The following SDC2 variants were observed in gnomAD, a reference collection of about 807,000 sequenced individuals.
SDC2 encodes the protein syndecan 2.
SDC2 carries 13 observed loss-of-function variants against 22.2 expected under a neutral mutation model. The ratio of observed to expected loss-of-function variants is 0.59; its 90% CI spans 0.38 to 0.93. The LOEUF is 0.93. Among genes scored for constraint, SDC2 ranks in the 40% least tolerant of loss-of-function variants. SDC2 has a pLI of 0.00. For synonymous variants in SDC2, 94 were observed against 92.8 expected, an observed-to-expected ratio of 1.01 and a Z score of -0.07; for missense variants, 235 against 246.8, an observed-to-expected ratio of 0.95 and a Z score of 0.32.
chr8:96,587,684 C>T (rs938859529), intron 1 of SDC2, among the ~76,000 whole-genome samples: 11 of 152,052 alleles, frequency 7.2e-5, no homozygotes, highest in Admixed American at 2.0e-4. Flanking sequence ...CAATTTTTTC[C>T]CCATCTATGA....
At chr8:96,507,598 T>C (rs1323157506) in intron 1 of SDC2, among the ~76,000 whole-genome samples, 1 of 152,108 alleles carries the variant, frequency 6.6e-6, no homozygotes, top group Non-Finnish European at 1.5e-5. Context: ...ATTGTGGAGA[T>C]TTATAGATAG....
chr8:96,534,729 G>T (rs1030136886), intron 1 of SDC2, among the ~76,000 whole-genome samples: 1 of 151,924 alleles, frequency 6.6e-6, no homozygotes, highest in Admixed American at 6.6e-5. Context: ...GAGCCACTGT[G>T]CCTGGCTGGC....
intron 1 of SDC2, among the ~76,000 whole-genome samples, chr8:96,509,355 A>T (rs1813295877): frequency 7.0e-6 from 1 of 142,362 alleles, no homozygotes; most frequent in South Asian, 2.2e-4. Context: ...CAAAGAAGAC[A>T]GTGTCAATAG....
intron 1 of SDC2, among the ~76,000 whole-genome samples, chr8:96,556,087 A>T (rs1167538426): frequency 1.3e-5 from 2 of 151,762 alleles, no homozygotes; most frequent in African/African-American, 2.4e-5. Flanking sequence ...TTCAAATGTG[A>T]TTATCTACTG....
intron 1 of SDC2, chr8:96,580,436 G>A (rs1285842282): frequency 2.0e-6 from 2 of 985,268 alleles, no homozygotes; most frequent in Non-Finnish European, 2.4e-6. Context: ...CATATCCTCA[G>A]CTGTTGCTTG....
At chr8:96,517,374 T>G (rs552631564) in intron 1 of SDC2, among the ~76,000 whole-genome samples, 1 of 152,242 alleles carries the variant, frequency 6.6e-6, no homozygotes, top group Non-Finnish European at 1.5e-5. Context: ...TTGTTGCTTA[T>G]GTTTTTGGTA....
chr8:96,521,601 A>T (rs1258153068), intron 1 of SDC2, among the ~76,000 whole-genome samples: 2 of 152,210 alleles, frequency 1.3e-5, no homozygotes, highest in Admixed American at 1.3e-4. Flanking sequence ...CAGGTAACAA[A>T]AGACTCTGTC....
chr8:96,565,618 A>G (rs575211951), intron 1 of SDC2, among the ~76,000 whole-genome samples: 3 of 152,290 alleles, frequency 2.0e-5, no homozygotes, highest in Admixed American at 1.3e-4. Context: ...AGTTGCTTCA[A>G]TAACTATAGT....
At chr8:96,592,033 A>G (rs1187170225) in intron 1 of SDC2, among the ~76,000 whole-genome samples, 4 of 152,186 alleles carry the variant, frequency 2.6e-5, no homozygotes, top group Non-Finnish European at 5.9e-5. Flanking sequence ...TTGCAGAGTT[A>G]AGCTCTGACC....
At chr8:96,502,027 A>G (rs1362657266) in intron 1 of SDC2, among the ~76,000 whole-genome samples, 1 of 152,202 alleles carries the variant, frequency 6.6e-6, no homozygotes, top group East Asian at 1.9e-4. Context: ...TTCGTGATCT[A>G]ATGTCTATTT....
chr8:96,545,991 A>G (rs2651464), intron 1 of SDC2, among the ~76,000 whole-genome samples: 127,954 of 152,244 alleles, frequency 0.84, 54,102 homozygotes, highest in Middle Eastern at 0.9. Context: ...AGGCAACAGC[A>G]GTCAGGCTCT....
At chr8:96,602,000 C>T (rs1326311150) in intron 2 of SDC2, among the ~76,000 whole-genome samples, 1 of 152,092 alleles carries the variant, frequency 6.6e-6, no homozygotes, top group Non-Finnish European at 1.5e-5. Context: ...CCTCGTGATC[C>T]GCTCTCCTCG....
At chr8:96,568,854 A>G (rs1814343548) in intron 1 of SDC2, among the ~76,000 whole-genome samples, 1 of 152,204 alleles carries the variant, frequency 6.6e-6, no homozygotes, top group Non-Finnish European at 1.5e-5. Context: ...TCTATTTGGG[A>G]TAGGCAGATG....
intron 1 of SDC2, among the ~76,000 whole-genome samples, chr8:96,505,686 G>A (rs542354504): frequency 1.4e-4 from 21 of 152,232 alleles, no homozygotes; most frequent in Admixed American, 1.1e-3. Context: ...TTCTGAACTC[G>A]CTTAAATAAG....
At chr8:96,596,222 G>A (rs189705694) in intron 2 of SDC2, among the ~76,000 whole-genome samples, 1 of 152,292 alleles carries the variant, frequency 6.6e-6, no homozygotes, top group Admixed American at 6.5e-5. Context: ...GCGTGAGAGT[G>A]TGTTTTCTTT....
At chr8:96,585,059 T>C (rs1444513699) in intron 1 of SDC2, 1 of 152,196 alleles carries the variant, frequency 6.6e-6, no homozygotes, top group African/African-American at 2.4e-5. Flanking sequence ...TTTGTTTTTT[T>C]CCCCCAGTTG....
At chr8:96,567,502 C>G (rs1277839256) in intron 1 of SDC2, among the ~76,000 whole-genome samples, 1 of 152,218 alleles carries the variant, frequency 6.6e-6, no homozygotes, top group Non-Finnish European at 1.5e-5. Context: ...CCCTCACCCT[C>G]TTCTCTTCCC....
intron 1 of SDC2, among the ~76,000 whole-genome samples, chr8:96,542,040 T>C (rs1255685084): frequency 4.6e-5 from 7 of 152,066 alleles, no homozygotes; most frequent in Admixed American, 6.6e-5. Context: ...GATGCTCTGG[T>C]CCTCAGTGCA....
At chr8:96,602,341 G>C (rs1815002485) in intron 2 of SDC2, 54 bp from the exon 3 acceptor site, 1 of 1,578,234 alleles carries the variant, frequency 6.3e-7, no homozygotes, top group Non-Finnish European at 8.7e-7. Context: ...CCTGATAATG[G>C]AGACATCTGT....
Sources: allele counts gnomAD v4.1 joint callset (sites outside exome capture counted in the v4.1 genomes callset), GRCh38; gene constraint gnomAD v4.1.1; transcripts MANE v1.5; gene names NCBI Gene and HGNC (gene_info 2026-07-23, HGNC 2026-07-21).